The following ERICH1 variants were observed in gnomAD, a reference collection of about 807,000 sequenced individuals.
ERICH1 encodes the protein glutamate-rich protein 1.
In ERICH1, 56 loss-of-function variants were observed where a neutral mutation model predicts 39.6. The observed-to-expected ratio is 1.41, with a 90% CI of 1.14 to 1.77. The LOEUF (loss-of-function observed/expected upper bound fraction) is 1.77. Among genes scored for constraint, ERICH1 ranks in the 40% most tolerant of loss-of-function variants. The pLI is 0.00. For synonymous variants in ERICH1, 313 were observed against 223.6 expected, an observed-to-expected ratio of 1.40 and a Z score of -3.57; for missense variants, 826 against 575.4, an observed-to-expected ratio of 1.44 and a Z score of -4.45.
rs1337539964 is a variant in ERICH1 at position 673,682 on chromosome 8, C to T, written c.670G>A (p.Glu224Lys). ...SEEDPTLAGE[E>K]DVKDTREEDG... The stretch of plus-strand genomic sequence containing the variant: ...TCCTCCCTGGTATCTTTAACGTCTT[C>T]CTCCCCGGCCAGTGTCGGGTCTTCC... Residue 224 changes from glutamate to lysine, a missense_variant, in exon 4 of 6, where the codon GAA becomes AAA. Glu to Lys is a moderately conservative substitution (Grantham distance 56, BLOSUM62 1). Coordinates refer to ENST00000262109, the MANE Select transcript of ERICH1 (RefSeq NM_207332.3). 2 of 1,613,788 alleles carry T rather than the reference C, an allele frequency of 1.2e-6. No homozygotes were observed. Among genetic ancestry groups the T allele is most frequent in the African/African-American group, 2.7e-5 (2 of 74,896 alleles).
At chr8:686,740 G>A (rs1414484960) in intron 3 of ERICH1, 1 of 151,974 alleles carries the variant, frequency 6.6e-6, no homozygotes, top group Non-Finnish European at 1.5e-5. Flanking sequence ...AGGCAGCTGA[G>A]CAACAGGTCT....
intron 3 of ERICH1, among the ~76,000 whole-genome samples, chr8:632,777 C>A (rs1478832181): frequency 1.3e-5 from 2 of 152,274 alleles, no homozygotes; most frequent in East Asian, 3.9e-4. Context: ...ACATAACGCC[C>A]AAGTGGGTGA....
intron 2 of ERICH1, among the ~76,000 whole-genome samples, chr8:706,360 A>G (rs1813271883): frequency 6.6e-6 from 1 of 152,250 alleles, no homozygotes; most frequent in African/African-American, 2.4e-5. Context: ...AAAGAAAACA[A>G]ACAAAAAAGA....
At chr8:656,105 C>A (rs553112089) in intron 3 of ERICH1, among the ~76,000 whole-genome samples, 1 of 152,288 alleles carries the variant, frequency 6.6e-6, no homozygotes, top group Admixed American at 6.5e-5. Context: ...CCTGTGACCA[C>A]AGCCATTCCC....
At chr8:634,183 A>ACCAAACAAAAAACAAAC (rs113808309) in intron 3 of ERICH1, among the ~76,000 whole-genome samples, 2 of 135,808 alleles carry the variant, frequency 1.5e-5, no homozygotes, top group African/African-American at 2.9e-5. Context: ...AAAAAAAAAA[A>ACCAAACAAAAAACAAAC]AAACAAACAA....
At chr8:706,844 A>C (rs1296609804) in intron 2 of ERICH1, among the ~76,000 whole-genome samples, 1 of 152,266 alleles carries the variant, frequency 6.6e-6, no homozygotes, top group South Asian at 2.1e-4. Context: ...GAAATTAAAA[A>C]GAACTTAAAT....
intron 3 of ERICH1, among the ~76,000 whole-genome samples, chr8:679,155 T>A (rs1805530655): frequency 7.8e-6 from 1 of 128,364 alleles, no homozygotes; most frequent in African/African-American, 3.1e-5. Context: ...CTCCGGCCCC[T>A]CACAGCTCCC....
chr8:730,371 A>G (rs562305071), intron 1 of ERICH1, among the ~76,000 whole-genome samples: 4 of 152,352 alleles, frequency 2.6e-5, no homozygotes, highest in Non-Finnish European at 5.9e-5. Flanking sequence ...TTCAAAGGGA[A>G]AAACATGATT....
At chr8:680,527 G>A (rs1431626946) in intron 3 of ERICH1, among the ~76,000 whole-genome samples, 2 of 117,880 alleles carry the variant, frequency 1.7e-5, no homozygotes, top group African/African-American at 6.8e-5. Context: ...CACCTCCCCC[G>A]GTAAACACGG....
intron 3 of ERICH1, among the ~76,000 whole-genome samples, chr8:624,066 A>G (rs1360396179): frequency 1.3e-5 from 2 of 152,198 alleles, no homozygotes; most frequent in East Asian, 1.9e-4. Context: ...AAAAAACCCA[A>G]CTGCAGATTA....
chr8:678,787 G>C (rs1173491465), intron 3 of ERICH1, among the ~76,000 whole-genome samples: 1 of 152,128 alleles, frequency 6.6e-6, no homozygotes, highest in Non-Finnish European at 1.5e-5. Flanking sequence ...CAGCCTGGGT[G>C]ACAGCGCGAG....
chr8:667,943 G>T (rs1405259907), intron 5 of ERICH1: 2 of 153,908 alleles, frequency 1.3e-5, no homozygotes, highest in African/African-American at 2.4e-5. Flanking sequence ...TGCCACTGAC[G>T]GGTGCCACGG....
At chr8:633,474 C>T (rs1363481510) in intron 3 of ERICH1, among the ~76,000 whole-genome samples, 1 of 152,036 alleles carries the variant, frequency 6.6e-6, no homozygotes, top group African/African-American at 2.4e-5. Context: ...GTTTTAAAGC[C>T]CTCAAAACAA....
At chr8:653,913 T>A (rs967839910) in intron 3 of ERICH1, among the ~76,000 whole-genome samples, 1 of 151,552 alleles carries the variant, frequency 6.6e-6, no homozygotes, top group African/African-American at 2.4e-5. Flanking sequence ...ACCCTGAGGA[T>A]GTTATGCTGG....
chr8:685,138 G>A (rs1382503830), intron 3 of ERICH1, among the ~76,000 whole-genome samples: 4 of 152,168 alleles, frequency 2.6e-5, no homozygotes, highest in Non-Finnish European at 5.9e-5. Flanking sequence ...GACACCCCCA[G>A]AGCGGCCATT....
intron 1 of ERICH1, among the ~76,000 whole-genome samples, chr8:719,577 G>A (rs964841306): frequency 7.9e-5 from 12 of 152,314 alleles, no homozygotes; most frequent in Admixed American, 3.9e-4. Flanking sequence ...AGGAGACACC[G>A]CGGGACCAGA....
intron 3 of ERICH1, among the ~76,000 whole-genome samples, chr8:630,335 C>G (rs1367861827): frequency 7.6e-6 from 1 of 131,412 alleles, no homozygotes; most frequent in Non-Finnish European, 1.6e-5. Context: ...TCACAACCTC[C>G]CGTGAGCACC....
chr8:664,581 G>A lies in ERICH1; in HGVS notation c.*22C>T. The A allele has an allele frequency of 6.3e-7, 1 of 1,598,312 alleles. No individual in the cohort carries two copies. The highest frequency in any genetic ancestry group is 1.3e-5 in the African/African-American group (1 of 74,316). On this transcript the variant is annotated 3_prime_UTR_variant, in exon 6 of 6. Transcript: ENST00000262109. ...TAAGTTTTTTTGTTAAAGAGGAGCT[G>A]TTCTTAAAGAGATATTCCATTTTAG...
chr8:615,422 A>C (rs1316425677), intron 3 of ERICH1: 1 of 525,768 alleles, frequency 1.9e-6, no homozygotes, highest in African/African-American at 1.9e-5. Flanking sequence ...CCTCAGTCAT[A>C]AACAGAACAA....
Sources: gnomAD v4.1 joint callset for allele counts (sites outside exome capture counted in the v4.1 genomes callset) on GRCh38, gnomAD v4.1.1 for gene constraint, MANE v1.5 for transcripts, NCBI Gene and HGNC (gene_info 2026-07-23, HGNC 2026-07-21) for gene names.